Variants in PTPRQ observed in about 807,000 individuals in gnomAD.
PTPRQ encodes phosphatidylinositol phosphatase PTPRQ.
A neutral mutation model predicts 246.0 loss-of-function variants in PTPRQ; 199 were observed. That is an observed-to-expected ratio of 0.81 (90% CI 0.72 to 0.91). The LOEUF is 0.91. Among genes scored for constraint, PTPRQ ranks in the 40% least tolerant of loss-of-function variants. The pLI, the probability that PTPRQ is intolerant of heterozygous loss-of-function variation, is 0.00. For missense variants in PTPRQ, 2,624 were observed against 2,528.4 expected (o/e 1.04, Z -0.81); for synonymous variants, 869 against 853.2 (o/e 1.02, Z -0.32).
intron 35 of PTPRQ, among the ~76,000 whole-genome samples, chr12:80,644,024 G>T (rs2121206782): frequency 1.3e-5 from 2 of 152,230 alleles, no homozygotes; most frequent in South Asian, 4.1e-4. Context: ...GGTTGAAGCT[G>T]CTCAGCTATA....
rs895960837 is a variant in PTPRQ, at chr12:80,510,279, T to C, written c.2558-44T>C. ...GCATTTCCATGTTAACTTTTTCTTA[T>C]ATATGTTTAATAAAACACATTATTC... On this transcript the variant is annotated intron_variant, in intron 16 of 44. Transcript: ENST00000644991. 4.3e-6 allele frequency: 6 copies of C among 1,389,008 alleles called. No individual in the cohort carries two copies. In the African/African-American group the frequency reaches 4.4e-5, roughly 10 times the overall value. The allele number at this position is 1,389,008 out of a possible 1,614,324, so 86.0% of individuals were successfully genotyped here. A position where few individuals can be genotyped will look rare whatever the true frequency, so the allele number is the denominator to read the frequency against.
At chr12:80,622,908 G>A (rs1251341654) in intron 33 of PTPRQ, among the ~76,000 whole-genome samples, 3 of 151,770 alleles carry the variant, frequency 2.0e-5, no homozygotes, top group Non-Finnish European at 4.4e-5. Context: ...TTTTTGGATA[G>A]GTTATAATAA....
chr12:80,632,431 T>C (rs1899474626), intron 34 of PTPRQ, 140 bp downstream of exon 34: 2 of 1,250,298 alleles, frequency 1.6e-6, no homozygotes, highest in Admixed American at 2.5e-5. Context: ...AATGTATTTA[T>C]CATGTACAAT....
intron 34 of PTPRQ, among the ~76,000 whole-genome samples, chr12:80,632,872 T>C (rs1259395510): frequency 6.6e-6 from 1 of 152,162 alleles, no homozygotes; most frequent in East Asian, 1.9e-4. Context: ...GTAGGTGAGC[T>C]GGTACTACTT....
rs1320218331 is a variant in PTPRQ, at chr12:80,605,088, G to T, written c.4639G>T (p.Val1547Leu). 39 of 1,544,248 alleles carry T rather than the reference G, an allele frequency of 2.5e-5. No individual in the cohort carries two copies. The highest frequency in any genetic ancestry group is 3.3e-5 in the Non-Finnish European group (38 of 1,142,720). Residue 1547 changes from valine to leucine, a missense_variant, in exon 27 of 45, where the codon GTA becomes TTA. Physicochemically the swap from Val to Leu is conservative, Grantham distance 32. Transcript: ENST00000644991. ...PPDGPPENVH[V>L]VATSPFSISI... ...AGATGGTCCTCCTGAAAATGTTCAT[G>T]TAGTAGCAACATCACCTTTTAGCAT...
chr12:80,595,034 A>G (rs1897923263), intron 26 of PTPRQ, among the ~76,000 whole-genome samples: 1 of 152,168 alleles, frequency 6.6e-6, no homozygotes. Flanking sequence ...TCACACATGC[A>G]CTGTTCTTTC....
chr12:80,497,841 T>A (rs1239094674), intron 14 of PTPRQ, among the ~76,000 whole-genome samples: 1 of 152,110 alleles, frequency 6.6e-6, no homozygotes, highest in Non-Finnish European at 1.5e-5. Flanking sequence ...TGAAATAATT[T>A]TTATAGGTCA....
At chr12:80,642,919 T>A (rs111419012) in intron 35 of PTPRQ, among the ~76,000 whole-genome samples, 6,454 of 76,714 alleles carry the variant, frequency 0.084, 608 homozygotes, top group South Asian at 0.14. Flanking sequence ...GACTCCGTCT[T>A]AAAAAAAAAA....
At chr12:80,476,813 A>C (rs1032697547) in intron 8 of PTPRQ, among the ~76,000 whole-genome samples, 2 of 152,176 alleles carry the variant, frequency 1.3e-5, no homozygotes, top group Admixed American at 1.3e-4. Context: ...AGGGATCATA[A>C]TTTTATGCCA....
In PTPRQ at chr12:80,553,935, T is replaced by C. The variant is rs1592647060; in HGVS notation, c.4285+4201T>C. 2.0e-5 allele frequency among the ~76,000 whole-genome samples: 3 copies of C among 152,300 alleles called. No individual in the cohort carries two copies. The South Asian group carries it at 6.2e-4, about 32-fold the overall frequency. On this transcript the variant is annotated intron_variant, in intron 25 of 44. Transcript: ENST00000644991. Reference sequence around the variant, plus strand: ...ACGTGGATGGAACTGGAGGACATTATGTTAAGTGAAATAAGCCAGGCACAG... The same window carrying C: ...ACGTGGATGGAACTGGAGGACATTACGTTAAGTGAAATAAGCCAGGCACAG...
intron 39 of PTPRQ, among the ~76,000 whole-genome samples, chr12:80,667,184 C>T (rs1420678411): frequency 6.6e-6 from 1 of 151,980 alleles, no homozygotes; most frequent in African/African-American, 2.4e-5. Flanking sequence ...ACATTCCTGA[C>T]ACCCTTCTCC....
intron 28 of PTPRQ, among the ~76,000 whole-genome samples, chr12:80,611,584 T>C (rs1396091805): frequency 6.6e-6 from 1 of 150,388 alleles, no homozygotes; most frequent in African/African-American, 2.4e-5. Flanking sequence ...AGGAAAGATA[T>C]GATGAATGTA....
intron 8 of PTPRQ, among the ~76,000 whole-genome samples, chr12:80,483,124 T>C (rs376510551): frequency 0.013 from 1,556 of 121,282 alleles, 25 homozygotes; most frequent in African/African-American, 0.051. Context: ...TTGGAACCAA[T>C]CCAAATGTCC....
At position 80,508,946 on chromosome 12, in the gene PTPRQ, G is replaced by A. The variant is rs201964032; in HGVS notation, c.2558-1377G>A. The stretch of plus-strand genomic sequence containing the variant: ...GCAACATATTAGTTTCTAAGTTACT[G>A]CTATTTTTAATTGAAGTCCTTTTTG... On this transcript the variant is annotated intron_variant, in intron 16 of 44. Coordinates refer to ENST00000644991, the MANE Select transcript of PTPRQ (RefSeq NM_001145026.2). 1.4e-4 allele frequency among the ~76,000 whole-genome samples: 22 copies of A among 152,088 alleles called. No homozygotes were observed. In the East Asian group the frequency reaches 1.5e-3, roughly 11 times the overall value.
chr12:80,612,417 CAT>C (rs1898586045), intron 28 of PTPRQ, among the ~76,000 whole-genome samples: 1 of 150,186 alleles, frequency 6.7e-6, no homozygotes, highest in Non-Finnish European at 1.5e-5. Flanking sequence ...AAAATGACAA[CAT>C]AAGTTTTCAA....
intron 42 of PTPRQ, among the ~76,000 whole-genome samples, chr12:80,671,736 C>G (rs1215844063): frequency 6.6e-6 from 1 of 152,026 alleles, no homozygotes; most frequent in Non-Finnish European, 1.5e-5. Flanking sequence ...ACTCAATCTC[C>G]AAATTCACCC....
At chr12:80,663,622 T>C (rs1401086747) in intron 39 of PTPRQ, among the ~76,000 whole-genome samples, 1 of 152,014 alleles carries the variant, frequency 6.6e-6, no homozygotes, top group East Asian at 1.9e-4. Context: ...TGCTTCTCTC[T>C]CATCACTCTT....
intron 17 of PTPRQ, among the ~76,000 whole-genome samples, chr12:80,522,156 A>C (rs978284469): frequency 2.2e-4 from 34 of 151,886 alleles, no homozygotes; most frequent in African/African-American, 5.3e-4. Context: ...TGATTTGGCT[A>C]TCTGTTTGTC....
intron 23 of PTPRQ, among the ~76,000 whole-genome samples, chr12:80,543,768 A>G: frequency 6.6e-6 from 1 of 152,094 alleles, no homozygotes; most frequent in East Asian, 1.9e-4. Flanking sequence ...CCAAGATATT[A>G]CTTTAAAACT....
Sources: gnomAD v4.1 joint callset for allele counts (sites outside exome capture counted in the v4.1 genomes callset) on GRCh38, gnomAD v4.1.1 for gene constraint, MANE v1.5 for transcripts, NCBI Gene and HGNC (gene_info 2026-07-23, HGNC 2026-07-21) for gene names.